ST6GALNAC5: variants seen among roughly 807,000 people sequenced by gnomAD.
ST6GALNAC5 encodes the protein alpha-N-acetylgalactosaminide alpha-2,6-sialyltransferase 5.
ST6GALNAC5 carries 27 observed loss-of-function variants against 33.6 expected under a neutral mutation model. That is an observed-to-expected ratio of 0.80 (90% CI 0.59 to 1.11). ST6GALNAC5 has a LOEUF of 1.11. Among genes scored for constraint, ST6GALNAC5 ranks in the 50% least tolerant of loss-of-function variants. The probability of loss-of-function intolerance (pLI) is 0.00; values close to 1 mark genes in which losing one functional copy is unlikely to be tolerated. For synonymous variants in ST6GALNAC5, 194 were observed against 171.2 expected (o/e 1.13, Z -1.04); for missense variants, 428 against 454.0 (o/e 0.94, Z 0.52).
At chr1:76,882,448 T>C (rs1427010496) in intron 2 of ST6GALNAC5, among the ~76,000 whole-genome samples, 1 of 152,186 alleles carries the variant, frequency 6.6e-6, no homozygotes, top group South Asian at 2.1e-4. Flanking sequence ...AATTCTGAGA[T>C]GTAATACTTA....
intron 2 of ST6GALNAC5, among the ~76,000 whole-genome samples, chr1:76,957,156 G>A (rs1648035259): frequency 6.6e-6 from 1 of 152,142 alleles, no homozygotes; most frequent in Admixed American, 6.5e-5. Flanking sequence ...CAATATAAAT[G>A]TATTGTCTCA....
Position 77,004,704 on chromosome 1 carries a change from C to A in ST6GALNAC5, c.262-39500C>A, listed in dbSNP as rs1265760559. Among the ~76,000 whole-genome samples, 5 of 117,766 alleles carry A rather than the reference C, an allele frequency of 4.2e-5. 1 individual carries two copies. Among genetic ancestry groups the A allele is most frequent in the African/African-American group, 1.3e-4 (5 of 38,636 alleles). 77.3% of individuals were successfully genotyped at this position (117,766 alleles called of 152,430 possible). On this transcript the variant is annotated intron_variant, in intron 2 of 4. Transcript: ENST00000477717. The stretch of plus-strand genomic sequence containing the variant: ...TCCTTTCTGTTTGTTAGTTTTCCTT[C>A]TAACAGACAGGACCCTCAGCTGCAG...
At chr1:77,028,906 T>G (rs1229144994) in intron 2 of ST6GALNAC5, among the ~76,000 whole-genome samples, 1 of 152,132 alleles carries the variant, frequency 6.6e-6, no homozygotes, top group African/African-American at 2.4e-5. Flanking sequence ...GGACCTGGAA[T>G]GTTGGGTTGG....
chr1:76,868,713 G>A lies in ST6GALNAC5; in HGVS notation c.232G>A (p.Asp78Asn). The A allele has an allele frequency of 6.6e-7, 1 of 1,524,150 alleles. No individual in the cohort carries two copies. Among genetic ancestry groups the A allele is most frequent in the Non-Finnish European group, 8.8e-7 (1 of 1,137,768 alleles). 94.4% of individuals were successfully genotyped at this position (1,524,150 alleles called of 1,614,324 possible). The change falls in exon 2 of 5, where the codon GAC becomes AAC. Residue 78 changes from aspartate (D) to asparagine (N), a missense_variant. Physicochemically the swap from Asp to Asn is conservative, Grantham distance 23. Transcript: ENST00000477717. The surrounding 1 kb of genome is among the most constrained non-coding windows in gnomAD (Gnocchi z 4.3). ...PGVPAGPRPLDGYLGVADHKP... is the reference protein window; with the variant it reads ...PGVPAGPRPLNGYLGVADHKP... ...GGTCCCCGCGGGACCGCGGCCACTG[G>A]ACGGATACCTCGGAGTGGCGGACCA...
chr1:77,021,157 A>G (rs1651039851), intron 2 of ST6GALNAC5, among the ~76,000 whole-genome samples: 1 of 152,250 alleles, frequency 6.6e-6, no homozygotes, highest in Non-Finnish European at 1.5e-5. Flanking sequence ...GAGGAGATGA[A>G]AAACTTCAAA....
chr1:76,984,661 T>A (rs893609699), intron 2 of ST6GALNAC5, among the ~76,000 whole-genome samples: 2 of 152,180 alleles, frequency 1.3e-5, no homozygotes, highest in African/African-American at 2.4e-5. Flanking sequence ...CCTAACTCAT[T>A]TTATGAGGCC....
At chr1:76,885,637 GA>G (rs1397126101) in intron 2 of ST6GALNAC5, among the ~76,000 whole-genome samples, 1 of 152,190 alleles carries the variant, frequency 6.6e-6, no homozygotes, top group African/African-American at 2.4e-5. Context: ...ATTTCAATTA[GA>G]GTTGGAATAA....
chr1:76,917,148 G>T (rs1375622765), intron 2 of ST6GALNAC5, among the ~76,000 whole-genome samples: 2 of 152,026 alleles, frequency 1.3e-5, no homozygotes, highest in Admixed American at 6.6e-5. Flanking sequence ...ATTTCACCCT[G>T]CTTTGAACCA....
rs552005644 is a variant in ST6GALNAC5 at position 76,882,688 on chromosome 1, G to A, written c.261+13946G>A. ...TTTTTTAATAAGAAAGCATATTCTGGAAATTAATTGCACATATGAGACATC... is the reference window on the plus strand; with the variant it reads ...TTTTTTAATAAGAAAGCATATTCTGAAAATTAATTGCACATATGAGACATC... On this transcript the variant is annotated intron_variant, in intron 2 of 4. Coordinates refer to ENST00000477717, the MANE Select transcript of ST6GALNAC5 (RefSeq NM_030965.3). 2.0e-5 allele frequency among the ~76,000 whole-genome samples: 3 copies of A among 152,282 alleles called. No individual in the cohort carries two copies. In the East Asian group the frequency reaches 5.8e-4, roughly 29 times the overall value.
intron 2 of ST6GALNAC5, among the ~76,000 whole-genome samples, chr1:76,993,126 T>C (rs1649801143): frequency 6.6e-6 from 1 of 152,132 alleles, no homozygotes; most frequent in Admixed American, 6.5e-5. Context: ...TCCCCAGGAG[T>C]TCCTATTTAT....
At chr1:76,899,178 A>C (rs1204429968) in intron 2 of ST6GALNAC5, among the ~76,000 whole-genome samples, 1 of 152,068 alleles carries the variant, frequency 6.6e-6, no homozygotes, top group African/African-American at 2.4e-5. Flanking sequence ...AGATGGTTAA[A>C]TTTTAGGTCA....
intron 2 of ST6GALNAC5, among the ~76,000 whole-genome samples, chr1:76,955,489 G>T (rs989352028): frequency 6.6e-6 from 1 of 152,054 alleles, no homozygotes; most frequent in African/African-American, 2.4e-5. Context: ...ATGTTTTTCT[G>T]TGATATTCCC....
At chr1:77,052,931 A>C (rs1341741455) in intron 4 of ST6GALNAC5, among the ~76,000 whole-genome samples, 1 of 149,266 alleles carries the variant, frequency 6.7e-6, no homozygotes, top group Non-Finnish European at 1.5e-5. Flanking sequence ...AAAAAAAAAA[A>C]AAAAAAAACA....
At chr1:76,916,588 C>T (rs1244653499) in intron 2 of ST6GALNAC5, among the ~76,000 whole-genome samples, 1 of 152,008 alleles carries the variant, frequency 6.6e-6, no homozygotes, top group East Asian at 1.9e-4. Context: ...AGGATGGGAA[C>T]TTGAAGCAAT....
chr1:77,027,407 T>G (rs1651287411), intron 2 of ST6GALNAC5, among the ~76,000 whole-genome samples: 2 of 152,228 alleles, frequency 1.3e-5, no homozygotes, highest in South Asian at 4.2e-4. Context: ...CTGTGTGTGT[T>G]GAAAACTGTG....
intron 2 of ST6GALNAC5, among the ~76,000 whole-genome samples, chr1:77,020,931 G>A (rs60688356): frequency 0.19 from 29,576 of 151,984 alleles, 3,024 homozygotes; most frequent in Admixed American, 0.25. Flanking sequence ...GTTACCCGGG[G>A]TTCCGCACAG....
Position 77,039,895 on chromosome 1 carries a change from G to A in ST6GALNAC5, c.262-4309G>A, listed in dbSNP as rs567327675. On this transcript the variant is annotated intron_variant, in intron 2 of 4. Transcript: ENST00000477717. ...ACATCATCTCCCAGGCCGACGGGCAGAGATTCAAGTTCACCTCCCTGTGTT... is the reference window on the plus strand; with the variant it reads ...ACATCATCTCCCAGGCCGACGGGCAAAGATTCAAGTTCACCTCCCTGTGTT... Among the ~76,000 whole-genome samples the A allele has an allele frequency of 5.9e-5, 9 of 152,334 alleles. No individual in the cohort carries two copies. In the East Asian group the frequency reaches 1.5e-3, roughly 26 times the overall value.
rs375630231 is a variant in ST6GALNAC5, at chr1:77,044,443, G to A, written c.501G>A (p.Val167=). The part of the protein sequence containing the change: ...HDLLNVSQGT[V]FIFWGPSSYM... The stretch of plus-strand genomic sequence containing the variant: ...TGCTCAACGTGAGCCAGGGCACCGT[G>A]TTCATCTTCTGGGGCCCCAGCAGCT... Residue 167 remains valine, a synonymous_variant, in exon 3 of 5, where the codon GTG becomes GTA. Transcript: ENST00000477717. The A allele has an allele frequency of 4.5e-5, 73 of 1,613,394 alleles. No homozygotes were observed. The highest frequency in any genetic ancestry group is 6.7e-5 in the Admixed American group (4 of 59,974).
intron 2 of ST6GALNAC5, among the ~76,000 whole-genome samples, chr1:76,960,548 G>A (rs928171987): frequency 6.6e-5 from 10 of 152,124 alleles, no homozygotes; most frequent in African/African-American, 2.4e-4. Flanking sequence ...AATTTATTAG[G>A]CAGGAATTTC....
Sources: gnomAD v4.1 joint callset for allele counts (sites outside exome capture counted in the v4.1 genomes callset) on GRCh38, gnomAD v4.1.1 for gene constraint, Gnocchi (gnomAD v3.1) non-coding constraint, MANE v1.5 for transcripts, NCBI Gene and HGNC (gene_info 2026-07-23, HGNC 2026-07-21) for gene names.